The following GRIK2 variants were observed in gnomAD, a reference collection of about 807,000 sequenced individuals.
GRIK2 encodes glutamate ionotropic receptor kainate type subunit 2.
In GRIK2, 32 loss-of-function variants were observed where a neutral mutation model predicts 100.3. That is an observed-to-expected ratio of 0.32 (90% CI 0.24 to 0.43). The LOEUF (loss-of-function observed/expected upper bound fraction) is 0.43. Among genes scored for constraint, GRIK2 ranks in the 20% least tolerant of loss-of-function variants. GRIK2 has a pLI of 1.00. For synonymous variants in GRIK2, 417 were observed against 389.4 expected (o/e 1.07, Z -0.83); for missense variants, 843 against 1,114.9 (o/e 0.76, Z 3.47).
At chr6:101,882,861 G>A (rs1786351348) in intron 11 of GRIK2, among the ~76,000 whole-genome samples, 2 of 151,960 alleles carry the variant, frequency 1.3e-5, no homozygotes. Flanking sequence ...AATACCTAGT[G>A]AGTGCTGACA....
intron 10 of GRIK2, among the ~76,000 whole-genome samples, chr6:101,857,246 A>C (rs892771088): frequency 6.6e-6 from 1 of 152,212 alleles, no homozygotes; most frequent in Non-Finnish European, 1.5e-5. Flanking sequence ...CAATGTCATC[A>C]GGGTACAGTC....
intron 2 of GRIK2, among the ~76,000 whole-genome samples, chr6:101,482,361 C>T (rs538737337): frequency 6.6e-6 from 1 of 152,216 alleles, no homozygotes; most frequent in African/African-American, 2.4e-5. Context: ...AGTGATACAT[C>T]TTTGATAGTA....
chr6:101,767,479 C>A (rs997457269), intron 7 of GRIK2, among the ~76,000 whole-genome samples: 1 of 151,856 alleles, frequency 6.6e-6, no homozygotes, highest in African/African-American at 2.4e-5. Flanking sequence ...TGTTTTACAC[C>A]TAAATAATGT....
rs73763617 is a variant in GRIK2, at chr6:101,982,858, A to G, written c.2086-52483A>G. ...TTGCAGCATGTAAGAACTTAGAGAC[A>G]GCATGGGAGCCAAACATGGTTTGGC... On this transcript the variant is annotated intron_variant, in intron 14 of 16. Coordinates refer to ENST00000369134, the MANE Select transcript of GRIK2 (RefSeq NM_021956.5). Among the ~76,000 whole-genome samples the G allele has an allele frequency of 9.6e-3, 1,459 of 151,852 alleles. 26 individuals are homozygous for G. The highest frequency in any genetic ancestry group is 0.034 in the African/African-American group (1,414 of 41,504).
chr6:101,808,554 G>T (rs1376556310), intron 9 of GRIK2, among the ~76,000 whole-genome samples: 1 of 151,796 alleles, frequency 6.6e-6, no homozygotes, highest in Non-Finnish European at 1.5e-5. Flanking sequence ...CTAAGTACAG[G>T]TGTAAATTAA....
chr6:101,486,391 C>CG (rs748806335), intron 2 of GRIK2, among the ~76,000 whole-genome samples: 33,121 of 90,236 alleles, frequency 0.37, 4,962 homozygotes, highest in Non-Finnish European at 0.45. Context: ...GGGGGTGGGG[C>CG]GGGGGGGGGA....
At chr6:101,397,444 G>T (rs1415286129) in intron 1 of GRIK2, among the ~76,000 whole-genome samples, 3 of 152,150 alleles carry the variant, frequency 2.0e-5, no homozygotes, top group African/African-American at 7.2e-5. Context: ...CTTTTAAGGT[G>T]CTCGAACAGT....
At chr6:101,613,350 T>C (rs1219031199) in intron 2 of GRIK2, among the ~76,000 whole-genome samples, 1 of 151,750 alleles carries the variant, frequency 6.6e-6, no homozygotes, top group African/African-American at 2.4e-5. Context: ...GACTTAGATA[T>C]AAAAGCAAAA....
intron 14 of GRIK2, among the ~76,000 whole-genome samples, chr6:102,030,261 T>C (rs1769913946): frequency 6.6e-6 from 1 of 151,236 alleles, no homozygotes. Flanking sequence ...TTTTCTGACA[T>C]TTTAAACCTC....
chr6:101,975,606 T>G (rs1344832044), intron 14 of GRIK2, among the ~76,000 whole-genome samples: 1 of 151,774 alleles, frequency 6.6e-6, no homozygotes, highest in Non-Finnish European at 1.5e-5. Flanking sequence ...GAGGAAAAAC[T>G]GGACTTGAGG....
intron 2 of GRIK2, among the ~76,000 whole-genome samples, chr6:101,518,365 T>C (rs1357083582): frequency 6.6e-6 from 1 of 152,152 alleles, no homozygotes; most frequent in African/African-American, 2.4e-5. Flanking sequence ...CTTGCATATA[T>C]AATTTTCTTT....
chr6:101,454,283 A>C (rs1455656881), intron 2 of GRIK2, among the ~76,000 whole-genome samples: 6 of 152,142 alleles, frequency 3.9e-5, no homozygotes, highest in African/African-American at 1.4e-4. Context: ...CCAGAATTCC[A>C]AAAGCTCTTT....
intron 2 of GRIK2, among the ~76,000 whole-genome samples, chr6:101,562,663 GT>G (rs1481505391): frequency 6.6e-6 from 1 of 151,900 alleles, no homozygotes; most frequent in East Asian, 1.9e-4. Flanking sequence ...TTTAGCAGCT[GT>G]TTGGGTGCAA....
At chr6:101,464,639 C>T (rs1033010523) in intron 2 of GRIK2, among the ~76,000 whole-genome samples, 2 of 149,904 alleles carry the variant, frequency 1.3e-5, no homozygotes, top group Non-Finnish European at 3.0e-5. Context: ...GCCTCAGCCT[C>T]CCGAATAGCT....
In GRIK2 at chr6:102,068,541, C is replaced by T; in HGVS notation, c.*30C>T. 2.5e-6 allele frequency: 4 copies of T among 1,596,980 alleles called. No homozygotes were observed. In the South Asian group the frequency reaches 4.5e-5, roughly 18 times the overall value. On this transcript the variant is annotated 3_prime_UTR_variant, in exon 17 of 17. Coordinates refer to ENST00000369134, the MANE Select transcript of GRIK2 (RefSeq NM_021956.5). ...GGGAGGCCAAACACCCAAGCACAAA[C>T]TGTCGTCTTTTTCCAAACAATTTAG... is the stretch of plus-strand genomic sequence containing the variant.
chr6:101,521,322 T>G (rs1200617909), intron 2 of GRIK2, among the ~76,000 whole-genome samples: 2 of 152,006 alleles, frequency 1.3e-5, no homozygotes, highest in African/African-American at 4.8e-5. Context: ...TGAGATTTAT[T>G]GAAAATAAAA....
intron 2 of GRIK2, among the ~76,000 whole-genome samples, chr6:101,595,960 T>A (rs1392543324): frequency 4.0e-5 from 6 of 150,272 alleles, no homozygotes; most frequent in Non-Finnish European, 4.5e-5. Flanking sequence ...TTAAAATTTT[T>A]TTTTTTTTTT....
chr6:101,485,944 AC>A, intron 2 of GRIK2, among the ~76,000 whole-genome samples: 1 of 149,366 alleles, frequency 6.7e-6, no homozygotes, highest in East Asian at 2.0e-4. Context: ...AAACAGCTTT[AC>A]TTTTTTAAGG....
At chr6:101,613,892 A>G (rs1375941277) in intron 2 of GRIK2, among the ~76,000 whole-genome samples, 1 of 151,776 alleles carries the variant, frequency 6.6e-6, no homozygotes, top group Non-Finnish European at 1.5e-5. Flanking sequence ...ATTCTGGAAG[A>G]TAATCATGTT....
Sources: allele counts gnomAD v4.1 joint callset (sites outside exome capture counted in the v4.1 genomes callset), GRCh38; gene constraint gnomAD v4.1.1; transcripts MANE v1.5; gene names NCBI Gene and HGNC (gene_info 2026-07-23, HGNC 2026-07-21).